Variants in MAD1L1 observed in about 807,000 individuals in gnomAD.
MAD1L1 encodes mitotic spindle assembly checkpoint protein MAD1.
In MAD1L1, 95 loss-of-function variants were observed where a neutral mutation model predicts 96.9. The observed-to-expected ratio is 0.98, with a 90% confidence interval of 0.83 to 1.16. The LOEUF (loss-of-function observed/expected upper bound fraction) is 1.16, where lower values mean the gene tolerates loss of function less well. Ranked by LOEUF, MAD1L1 falls within the 50% of genes most tolerant of loss-of-function variation. The pLI is 0.00. For missense variants in MAD1L1, 1,007 were observed against 954.4 expected, an observed-to-expected ratio of 1.06 and a Z score of -0.73; for synonymous variants, 473 against 396.6, an observed-to-expected ratio of 1.19 and a Z score of -2.29.
In MAD1L1 at chr7:2,114,272, C is replaced by T. The variant is rs1787542589; in HGVS notation, c.1073+34880G>A. 6.6e-6 allele frequency among the ~76,000 whole-genome samples: 1 copy of T among 152,172 alleles called. No homozygotes were observed. Among genetic ancestry groups the T allele is most frequent in the African/African-American group, 2.4e-5 (1 of 41,442 alleles). ...ATGGCCGGATGGTAATGACTCATCC[C>T]AAAGGCCATCTCAACACACCTCGGG... On this transcript the variant is annotated intron_variant, in intron 11 of 18. Coordinates refer to ENST00000265854, the MANE Select transcript of MAD1L1 (RefSeq NM_001013836.2). The surrounding 1 kb of genome is among the most constrained non-coding windows in gnomAD (Gnocchi z 4.2).
At chr7:2,050,935 C>T (rs1454400704) in intron 12 of MAD1L1, among the ~76,000 whole-genome samples, 2 of 152,222 alleles carry the variant, frequency 1.3e-5, no homozygotes, top group Non-Finnish European at 2.9e-5. Context: ...AAGAGGCTTC[C>T]TTGGCAGGGA....
At chr7:2,000,928 C>G (rs1781764385) in intron 14 of MAD1L1, among the ~76,000 whole-genome samples, 1 of 152,204 alleles carries the variant, frequency 6.6e-6, no homozygotes, top group Admixed American at 6.5e-5. Flanking sequence ...CTCGCCCATT[C>G]CCAGCCTAGG....
At chr7:1,846,782 A>C in intron 18 of MAD1L1, 1 of 176,952 alleles carries the variant, frequency 5.7e-6, no homozygotes, top group East Asian at 1.8e-4. Flanking sequence ...GCCAAGGAGG[A>C]GGAAGTGCTT....
At chr7:1,837,833 G>A (rs779258532) in intron 18 of MAD1L1, among the ~76,000 whole-genome samples, 13 of 152,238 alleles carry the variant, frequency 8.5e-5, no homozygotes, top group Non-Finnish European at 1.3e-4. Context: ...ATCTGGGGGC[G>A]AAGGGTCTTG....
Position 2,213,043 on chromosome 7 carries a change from A to G in MAD1L1, c.986+169T>C, listed in dbSNP as rs556725975. Among the ~76,000 whole-genome samples the G allele has an allele frequency of 7.1e-4, 108 of 152,362 alleles. 1 individual carries two copies. Among genetic ancestry groups the G allele is most frequent in the Admixed American group, 5.7e-3 (87 of 15,306 alleles). Reference sequence around the variant, plus strand: ...ATGAGTCACTGGGTTCCACTGCCCCATCCGCTGGGAAAGGCCTCATTAAAC... The same window carrying G: ...ATGAGTCACTGGGTTCCACTGCCCCGTCCGCTGGGAAAGGCCTCATTAAAC... On this transcript the variant is annotated intron_variant, in intron 10 of 18. Transcript: ENST00000265854.
chr7:1,927,322 C>CA (rs1332709100), intron 17 of MAD1L1, among the ~76,000 whole-genome samples: 2 of 152,200 alleles, frequency 1.3e-5, no homozygotes, highest in African/African-American at 4.8e-5. Context: ...GACTGACTGA[C>CA]AGATGCAGTA....
chr7:1,844,708 G>T (rs2128635259), intron 18 of MAD1L1, among the ~76,000 whole-genome samples: 1 of 152,346 alleles, frequency 6.6e-6, no homozygotes, highest in Non-Finnish European at 1.5e-5. Context: ...TCCTGCTGTG[G>T]CTTGGCACAG....
chr7:2,138,913 T>C (rs1180144107), intron 11 of MAD1L1, among the ~76,000 whole-genome samples: 1 of 152,140 alleles, frequency 6.6e-6, no homozygotes, highest in Non-Finnish European at 1.5e-5. Flanking sequence ...AATTCTCCAC[T>C]CATCTTGCAA....
At chr7:2,092,933 G>A (rs558538058) in intron 11 of MAD1L1, among the ~76,000 whole-genome samples, 90 of 152,150 alleles carry the variant, frequency 5.9e-4, no homozygotes, top group Non-Finnish European at 1.0e-3. Flanking sequence ...TGGGTAACCA[G>A]GTAATGCATA....
At chr7:1,863,501 C>G (rs1784629648) in intron 18 of MAD1L1, among the ~76,000 whole-genome samples, 1 of 152,242 alleles carries the variant, frequency 6.6e-6, no homozygotes, top group Non-Finnish European at 1.5e-5. Context: ...AGCCCCCGCA[C>G]AGCACGGCCT....
intron 17 of MAD1L1, among the ~76,000 whole-genome samples, chr7:1,921,850 G>A (rs766722721): frequency 2.0e-5 from 3 of 152,098 alleles, no homozygotes; most frequent in Non-Finnish European, 2.9e-5. Flanking sequence ...TTTAGATCTC[G>A]ACCTCATACC....
rs140244306 is a variant in MAD1L1, at chr7:2,204,130, C to T, written c.986+9082G>A. ...GCCACTCCTCACAGCACTCCTGTGA[C>T]GTAACAAAGACCCAGGAGGTGCACG... On this transcript the variant is annotated intron_variant, in intron 10 of 18. Transcript: ENST00000265854. Among the ~76,000 whole-genome samples the T allele has an allele frequency of 4.5e-3, 683 of 152,342 alleles. 7 individuals carry two copies. Among genetic ancestry groups the T allele is most frequent in the African/African-American group, 0.015 (638 of 41,574 alleles).
chr7:1,975,929 A>C (rs1006622658), intron 15 of MAD1L1, among the ~76,000 whole-genome samples: 5 of 152,194 alleles, frequency 3.3e-5, no homozygotes, highest in Non-Finnish European at 7.3e-5. Context: ...CAGTTGCTGA[A>C]TCTACAGGCA....
intron 18 of MAD1L1, among the ~76,000 whole-genome samples, chr7:1,877,036 T>A (rs1736874704): frequency 1.3e-5 from 2 of 149,564 alleles, no homozygotes; most frequent in Admixed American, 1.4e-4. Context: ...ATTTAGAAGA[T>A]AATGTACTCT....
Position 1,822,727 on chromosome 7 carries a change from A to AT in MAD1L1, c.1999-6500dup, listed in dbSNP as rs146496198. On this transcript the variant is annotated intron_variant, in intron 18 of 18. Coordinates refer to ENST00000265854, the MANE Select transcript of MAD1L1 (RefSeq NM_001013836.2). ...GCGTGAGCCACCATGCCCGGCCAGC[A>AT]TTTTTTTTTTTTTTTTTTGGTAGAG... 4.3e-3 allele frequency among the ~76,000 whole-genome samples: 585 copies of AT among 134,552 alleles called. 3 individuals are homozygous for AT. Among genetic ancestry groups the AT allele is most frequent in the African/African-American group, 6.3e-3 (230 of 36,366 alleles). 88.3% of individuals were successfully genotyped at this position (134,552 alleles called of 152,430 possible).
chr7:1,888,366 G>C (rs1414626244), intron 18 of MAD1L1, among the ~76,000 whole-genome samples: 1 of 150,920 alleles, frequency 6.6e-6, no homozygotes, highest in Non-Finnish European at 1.5e-5. Flanking sequence ...GCATGCATGC[G>C]TGTATGTGGC....
chr7:1,947,113 C>T (rs1269826092), intron 16 of MAD1L1, among the ~76,000 whole-genome samples: 1 of 152,336 alleles, frequency 6.6e-6, no homozygotes, highest in East Asian at 1.9e-4. Flanking sequence ...GGCCAAAATG[C>T]TCATAAGACC....
rs879710128 is a variant in MAD1L1, at chr7:1,903,696, T to C, written c.1808-5306A>G. Among the ~76,000 whole-genome samples the C allele has an allele frequency of 7.4e-3, 1,034 of 140,286 alleles. 6 individuals carry two copies. The highest frequency in any genetic ancestry group is 0.028 in the African/African-American group (963 of 34,496). The allele number at this position is 140,286 out of a possible 152,430, so 92.0% of individuals were successfully genotyped here. On this transcript the variant is annotated intron_variant, in intron 17 of 18. Transcript: ENST00000265854. The stretch of plus-strand genomic sequence containing the variant: ...ATGGAAGACGCTCTTGCGGAACTCA[T>C]GATTGATGAAGCACTGCTCCAGGCA...
intron 12 of MAD1L1, among the ~76,000 whole-genome samples, chr7:2,040,745 G>A (rs550424728): frequency 6.6e-6 from 1 of 152,186 alleles, no homozygotes; most frequent in Non-Finnish European, 1.5e-5. Flanking sequence ...GAGGCCCAAG[G>A]CCCCTGGCCT....
Sources: gnomAD v4.1 joint callset for allele counts (sites outside exome capture counted in the v4.1 genomes callset) on GRCh38, gnomAD v4.1.1 for gene constraint, Gnocchi (gnomAD v3.1) non-coding constraint, MANE v1.5 for transcripts, NCBI Gene and HGNC (gene_info 2026-07-23, HGNC 2026-07-21) for gene names.